ADAMTSL3: variants seen among roughly 807,000 people sequenced by gnomAD.
ADAMTSL3 encodes the protein ADAMTS-like protein 3.
ADAMTSL3 carries 128 observed loss-of-function variants against 201.7 expected under a neutral mutation model. The ratio of observed to expected loss-of-function variants is 0.63; its 90% CI spans 0.55 to 0.73. ADAMTSL3 has a LOEUF of 0.73. ADAMTSL3 is among the 30% of genes least tolerant of loss of function. The pLI is 0.00. For synonymous variants in ADAMTSL3, 738 were observed against 748.4 expected (o/e 0.99, Z 0.23); for missense variants, 1,990 against 2,119.6 (o/e 0.94, Z 1.20).
chr15:83,900,907 G>GCAGT (rs1173441337), intron 15 of ADAMTSL3, among the ~76,000 whole-genome samples: 1 of 152,144 alleles, frequency 6.6e-6, no homozygotes, highest in Non-Finnish European at 1.5e-5. Flanking sequence ...AGCCTTTTCA[G>GCAGT]CAGTCTTCAT....
chr15:83,834,731 T>G (rs1430524968), intron 6 of ADAMTSL3, among the ~76,000 whole-genome samples: 1 of 152,244 alleles, frequency 6.6e-6, no homozygotes, highest in African/African-American at 2.4e-5. Context: ...GTGTAACTTG[T>G]CTCATTAACT....
rs527877817 is a variant in ADAMTSL3 at position 83,873,727 on chromosome 15, C to G, written c.960+2768C>G. 5.5e-5 allele frequency among the ~76,000 whole-genome samples: 8 copies of G among 145,504 alleles called. 2 individuals are homozygous for G. In the East Asian group the frequency reaches 1.1e-3, roughly 21 times the overall value. On this transcript the variant is annotated intron_variant, in intron 9 of 29. Coordinates refer to ENST00000286744, the MANE Select transcript of ADAMTSL3 (RefSeq NM_207517.3). ...TTTTCCTCATCAAACAGTGGTAATA[C>G]ACTTTTGCAAATGTTAATGTGCATT...
At chr15:83,954,730 A>G (rs1365500662) in intron 19 of ADAMTSL3, among the ~76,000 whole-genome samples, 6 of 152,150 alleles carry the variant, frequency 3.9e-5, no homozygotes, top group Non-Finnish European at 7.4e-5. Context: ...ACTCATAGAG[A>G]TATCACTTTG....
At chr15:83,824,575 C>T (rs1324066964) in intron 6 of ADAMTSL3, among the ~76,000 whole-genome samples, 1 of 152,166 alleles carries the variant, frequency 6.6e-6, no homozygotes, top group Admixed American at 6.5e-5. Context: ...CATGTATCCA[C>T]TATTATAGTA....
At chr15:84,013,220 T>G (rs191545056) in intron 23 of ADAMTSL3, among the ~76,000 whole-genome samples, 5 of 152,308 alleles carry the variant, frequency 3.3e-5, no homozygotes, top group African/African-American at 1.2e-4. Flanking sequence ...GTCAAAAGGC[T>G]TACCAGGTTC....
At chr15:83,718,731 A>G (rs1285202170) in intron 3 of ADAMTSL3, among the ~76,000 whole-genome samples, 1 of 152,106 alleles carries the variant, frequency 6.6e-6, no homozygotes, top group African/African-American at 2.4e-5. Context: ...TTGAGCATCA[A>G]TAAAAGCAAA....
chr15:83,766,922 C>T (rs187240381), intron 3 of ADAMTSL3, among the ~76,000 whole-genome samples: 1 of 152,122 alleles, frequency 6.6e-6, no homozygotes, highest in African/African-American at 2.4e-5. Context: ...TGGTGAAACC[C>T]TGTCTCTACG....
chr15:83,959,433 A>G (rs1200417914), intron 19 of ADAMTSL3, among the ~76,000 whole-genome samples: 3 of 152,304 alleles, frequency 2.0e-5, no homozygotes, highest in African/African-American at 7.2e-5. Flanking sequence ...ATTCTACTAA[A>G]AGATAAAAAT....
At position 83,838,043 on chromosome 15, in the gene ADAMTSL3, C is replaced by T. The variant is rs770468838; in HGVS notation, c.601-46C>T. ...CTTCCTGAAATGAAGAGAGCTCCCC[C>T]TCCCCTGGCTTTGGGCACCACTGAC... On this transcript the variant is annotated intron_variant, in intron 6 of 29. Coordinates refer to ENST00000286744, the MANE Select transcript of ADAMTSL3 (RefSeq NM_207517.3). 9.5e-6 allele frequency: 15 copies of T among 1,580,688 alleles called. No homozygotes were observed. The East Asian group carries it at 2.0e-4, about 22-fold the overall frequency.
intron 5 of ADAMTSL3, among the ~76,000 whole-genome samples, chr15:83,815,703 C>T (rs963826183): frequency 3.9e-5 from 6 of 152,170 alleles, no homozygotes; most frequent in Non-Finnish European, 8.8e-5. Flanking sequence ...AAGCAGTCAG[C>T]GTCCCCCACA....
intron 2 of ADAMTSL3, among the ~76,000 whole-genome samples, chr15:83,662,120 A>G (rs1186869895): frequency 6.9e-6 from 1 of 145,516 alleles, no homozygotes; most frequent in Non-Finnish European, 1.5e-5. Flanking sequence ...AGACACATGC[A>G]CACGTATGTT....
chr15:83,771,404 A>G (rs1001581078), intron 3 of ADAMTSL3, among the ~76,000 whole-genome samples: 1 of 152,194 alleles, frequency 6.6e-6, no homozygotes, highest in Admixed American at 6.5e-5. Flanking sequence ...TTAATTTTGC[A>G]TGGTTGAAAC....
chr15:83,924,165 T>C (rs2066205967), intron 17 of ADAMTSL3, 132 bp downstream of exon 17: 2 of 1,211,544 alleles, frequency 1.7e-6, no homozygotes, highest in African/African-American at 3.0e-5. Flanking sequence ...CAGAGCTCTC[T>C]TTGCTCAAGT....
At chr15:83,920,762 G>C (rs985915871) in intron 16 of ADAMTSL3, among the ~76,000 whole-genome samples, 1 of 152,136 alleles carries the variant, frequency 6.6e-6, no homozygotes, top group Non-Finnish European at 1.5e-5. Context: ...GTAGTTTTGT[G>C]AGATGAACTG....
rs1387808233 is a variant in ADAMTSL3 at position 84,016,455 on chromosome 15, C to A, written c.4229C>A (p.Thr1410Asn). 1 of 1,614,030 alleles carries A rather than the reference C, an allele frequency of 6.2e-7. No homozygotes were observed. Among genetic ancestry groups the A allele is most frequent in the Non-Finnish European group, 8.5e-7 (1 of 1,179,954 alleles). Residue 1410 changes from threonine to asparagine, a missense_variant, in exon 25 of 30, where the codon ACT (threonine) becomes AAT (asparagine). Transcript: ENST00000286744. ...HKKYILQATN[T>N]RTNSNDPTGE... ...AAGTACATTCTCCAGGCAACCAACA[C>A]TAGAACCAACAGCAATGACCCAACA...
chr15:83,831,316 A>G (rs2064152890), intron 6 of ADAMTSL3, among the ~76,000 whole-genome samples: 1 of 152,132 alleles, frequency 6.6e-6, no homozygotes, highest in Non-Finnish European at 1.5e-5. Flanking sequence ...CCCACTACAC[A>G]TGGTAAGGAA....
chr15:83,954,955 G>A (rs556969914), intron 19 of ADAMTSL3, among the ~76,000 whole-genome samples: 1 of 152,336 alleles, frequency 6.6e-6, no homozygotes, highest in South Asian at 2.1e-4. Flanking sequence ...CCTGAAGCCA[G>A]AATAGCACTG....
intron 3 of ADAMTSL3, among the ~76,000 whole-genome samples, chr15:83,735,456 T>A (rs975882123): frequency 6.6e-6 from 1 of 152,226 alleles, no homozygotes; most frequent in African/African-American, 2.4e-5. Context: ...GATGAGGAAC[T>A]TGACTTTGAA....
At chr15:83,894,937 A>C in intron 13 of ADAMTSL3, among the ~76,000 whole-genome samples, 1 of 152,222 alleles carries the variant, frequency 6.6e-6, no homozygotes, top group East Asian at 1.9e-4. Flanking sequence ...GATAGAAGAT[A>C]AGTGGAACTT....
Sources: allele counts gnomAD v4.1 joint callset (sites outside exome capture counted in the v4.1 genomes callset), GRCh38; gene constraint gnomAD v4.1.1; transcripts MANE v1.5; gene names NCBI Gene and HGNC (gene_info 2026-07-23, HGNC 2026-07-21).